The following ZC3H7B variants were observed in gnomAD, a reference collection of about 807,000 sequenced individuals.
ZC3H7B encodes zinc finger CCCH domain-containing protein 7B.
A neutral mutation model predicts 116.0 loss-of-function variants in ZC3H7B; 35 were observed. That is an observed-to-expected ratio of 0.30 (90% confidence interval 0.23 to 0.40). The LOEUF is 0.40. Among genes scored for constraint, ZC3H7B ranks in the 10% least tolerant of loss-of-function variants. ZC3H7B has a pLI of 1.00. For missense variants in ZC3H7B, 1,011 were observed against 1,321.5 expected (o/e 0.77, Z 3.64); for synonymous variants, 502 against 545.6 (o/e 0.92, Z 1.11).
At position 41,302,727 on chromosome 22, in the gene ZC3H7B, G is replaced by C. The variant is rs992774156; in HGVS notation, c.-7+955G>C. 3.3e-5 allele frequency among the ~76,000 whole-genome samples: 5 copies of C among 152,204 alleles called. No homozygotes were observed. The highest frequency in any genetic ancestry group is 1.2e-4 in the African/African-American group (5 of 41,444). On this transcript the variant is annotated intron_variant, in intron 1 of 22. Transcript: ENST00000352645. The surrounding 1 kb of genome is among the most constrained non-coding windows in gnomAD (Gnocchi z 5.7). ...TCACAGACAAAGCCGTCTTCCCAGG[G>C]GGGAAAATAATCATATAAAAACAGC... is the stretch of plus-strand genomic sequence containing the variant.
chr22:41,352,666 G>A (rs1468217076), intron 17 of ZC3H7B, among the ~76,000 whole-genome samples: 2 of 152,066 alleles, frequency 1.3e-5, no homozygotes, highest in East Asian at 1.9e-4. Context: ...GGAGGCTGAG[G>A]CAGGAGAATC....
intron 11 of ZC3H7B, among the ~76,000 whole-genome samples, 182 bp downstream of exon 11, chr22:41,341,328 C>T (rs1034631480): frequency 3.9e-5 from 6 of 152,150 alleles, no homozygotes; most frequent in Admixed American, 2.6e-4. Flanking sequence ...ATATGCTGGG[C>T]GGGCACACAG....
Position 41,355,951 on chromosome 22 carries a change from C to T in ZC3H7B, c.2275-3C>T. 1 of 1,593,042 alleles carries T rather than the reference C, an allele frequency of 6.3e-7. No homozygotes were observed. The highest frequency in any genetic ancestry group is 1.1e-5 in the South Asian group (1 of 87,502). On this transcript the variant is annotated splice_region_variant and splice_polypyrimidine_tract_variant and intron_variant, in intron 19 of 22. Coordinates refer to ENST00000352645, the MANE Select transcript of ZC3H7B (RefSeq NM_017590.6). Reference sequence around the variant, plus strand: ...AGAGGATCTCCCCACGCCCACCCCACAGCTCTGCATCCATGCACAGAACGG... The same window carrying T: ...AGAGGATCTCCCCACGCCCACCCCATAGCTCTGCATCCATGCACAGAACGG...
chr22:41,316,848 T>C (rs531657588), intron 1 of ZC3H7B, among the ~76,000 whole-genome samples: 1 of 151,886 alleles, frequency 6.6e-6, no homozygotes, highest in African/African-American at 2.4e-5. Context: ...CTAATTTTTT[T>C]TCTTTTCTTT....
chr22:41,325,454 C>T, intron 2 of ZC3H7B, 110 bp from the exon 3 acceptor site: 1 of 1,434,562 alleles, frequency 7.0e-7, no homozygotes, highest in Non-Finnish European at 9.6e-7. Context: ...GTCTGTTCAC[C>T]CTAGTCCACA....
intron 1 of ZC3H7B, among the ~76,000 whole-genome samples, chr22:41,306,995 A>G (rs2036051624): frequency 7.4e-6 from 1 of 134,920 alleles, no homozygotes; most frequent in Non-Finnish European, 1.6e-5. Context: ...TTTTTTTGAG[A>G]CAGAGTCTCA....
intron 1 of ZC3H7B, among the ~76,000 whole-genome samples, chr22:41,318,674 A>G (rs1019692195): frequency 4.6e-5 from 7 of 151,956 alleles, no homozygotes; most frequent in Non-Finnish European, 7.4e-5. Flanking sequence ...CCTTGAGCCC[A>G]GGAGTTTGAG....
chr22:41,339,570 G>T (rs2036491188), intron 9 of ZC3H7B, among the ~76,000 whole-genome samples: 1 of 146,918 alleles, frequency 6.8e-6, no homozygotes, highest in African/African-American at 2.5e-5. Context: ...AGGTTGCAGT[G>T]AGCCGAGATC....
In ZC3H7B at chr22:41,347,443, C is replaced by T. The variant is rs115219119; in HGVS notation, c.1666-624C>T. 3.2e-3 allele frequency among the ~76,000 whole-genome samples: 480 copies of T among 147,874 alleles called. 3 individuals are homozygous for T. Among genetic ancestry groups the T allele is most frequent in the African/African-American group, 0.012 (469 of 37,900 alleles). On this transcript the variant is annotated intron_variant, in intron 14 of 22. Transcript: ENST00000352645. The stretch of plus-strand genomic sequence containing the variant: ...GGAACCTCTCAGCTGGACTCTGATC[C>T]CAGCAGCCCCACTGAGCTGTTAATT...
Position 41,355,621 on chromosome 22 carries a change from G to T in ZC3H7B, c.2168+19G>T, listed in dbSNP as rs755345625. The T allele has an allele frequency of 6.2e-7, 1 of 1,613,722 alleles. No homozygotes were observed. The highest frequency in any genetic ancestry group is 1.3e-5 in the African/African-American group (1 of 74,908). ...GGCACTGGTGAGTGGGATGCCAGGTGGGGGCTCAGGTGGGATGGGGCCACC... is the reference window on the plus strand; with the variant it reads ...GGCACTGGTGAGTGGGATGCCAGGTTGGGGCTCAGGTGGGATGGGGCCACC... On this transcript the variant is annotated intron_variant, in intron 18 of 22. Coordinates refer to ENST00000352645, the MANE Select transcript of ZC3H7B (RefSeq NM_017590.6).
Position 41,338,982 on chromosome 22 carries a change from T to G in ZC3H7B, c.626-19T>G. 6.5e-7 allele frequency: 1 copy of G among 1,527,260 alleles called. No individual in the cohort carries two copies. Among genetic ancestry groups the G allele is most frequent in the Non-Finnish European group, 8.8e-7 (1 of 1,132,996 alleles). The allele number at this position is 1,527,260 out of a possible 1,614,324, so 94.6% of individuals were successfully genotyped here. On this transcript the variant is annotated intron_variant, in intron 8 of 22. Coordinates refer to ENST00000352645, the MANE Select transcript of ZC3H7B (RefSeq NM_017590.6). This position sits in a 1 kb window ranked among gnomAD's most constrained non-coding sequence, Gnocchi z 4.5. ...ACCAAGCAGTGCTCCCCTTCGGCTCTTGCCCACCCCATCCGCAGACTGCTA... is the reference window on the plus strand; with the variant it reads ...ACCAAGCAGTGCTCCCCTTCGGCTCGTGCCCACCCCATCCGCAGACTGCTA...
intron 6 of ZC3H7B, among the ~76,000 whole-genome samples, chr22:41,330,706 C>A (rs1213668076): frequency 6.6e-6 from 1 of 152,042 alleles, no homozygotes; most frequent in Non-Finnish European, 1.5e-5. Context: ...CGTTGGGAGG[C>A]CAAGGCGGGC....
At chr22:41,310,421 C>T (rs1287927723) in intron 1 of ZC3H7B, among the ~76,000 whole-genome samples, 1 of 152,136 alleles carries the variant, frequency 6.6e-6, no homozygotes, top group African/African-American at 2.4e-5. Flanking sequence ...CAGTGTGGGA[C>T]AGTGCTGGGA....
chr22:41,322,254 C>A (rs947691977), intron 2 of ZC3H7B, among the ~76,000 whole-genome samples: 2 of 151,976 alleles, frequency 1.3e-5, no homozygotes, highest in African/African-American at 4.8e-5. Flanking sequence ...GTGGTGCGAT[C>A]TCGGCTCACT....
intron 2 of ZC3H7B, among the ~76,000 whole-genome samples, chr22:41,321,949 C>T (rs1236585151): frequency 7.0e-6 from 1 of 142,128 alleles, no homozygotes; most frequent in Non-Finnish European, 1.5e-5. Context: ...ACGCCATTCT[C>T]CTGCCTCAGC....
chr22:41,338,336 C>T lies in ZC3H7B; in HGVS notation c.606C>T (p.Ser202=), dbSNP rs1187191806. ...AGGGAACTTCTAATGGATTGGGGTC[C>T]ATAGATGACATCGAAACAGGTAATG... is the stretch of plus-strand genomic sequence containing the variant. ...ADQGTSNGLG[S]IDDIETDCYV... Residue 202 remains serine (S), a synonymous_variant, in exon 8 of 23, where the codon TCC becomes TCT. Coordinates refer to ENST00000352645, the MANE Select transcript of ZC3H7B (RefSeq NM_017590.6). This position sits in a 1 kb window ranked among gnomAD's most constrained non-coding sequence, Gnocchi z 4.5. The T allele has an allele frequency of 6.2e-7, 1 of 1,613,742 alleles. No individual in the cohort carries two copies. Among genetic ancestry groups the T allele is most frequent in the Non-Finnish European group, 8.5e-7 (1 of 1,179,912 alleles).
At chr22:41,323,938 C>T (rs1418439271) in intron 2 of ZC3H7B, among the ~76,000 whole-genome samples, 2 of 152,002 alleles carry the variant, frequency 1.3e-5, no homozygotes, top group South Asian at 2.1e-4. Flanking sequence ...GGCGTGGTGG[C>T]GGGCGCTTGT....
chr22:41,339,487 A>G (rs757434426), intron 9 of ZC3H7B, among the ~76,000 whole-genome samples: 9 of 152,010 alleles, frequency 5.9e-5, no homozygotes, highest in Non-Finnish European at 1.0e-4. Context: ...TTAGCCGGGC[A>G]TGGTGGCACA....
intron 2 of ZC3H7B, among the ~76,000 whole-genome samples, chr22:41,321,418 G>T (rs1569233381): frequency 6.6e-6 from 1 of 152,058 alleles, no homozygotes; most frequent in East Asian, 1.9e-4. Flanking sequence ...GTTTTGCCAT[G>T]TTGGCCAGGC....
Sources: gnomAD v4.1 joint callset for allele counts (sites outside exome capture counted in the v4.1 genomes callset) on GRCh38, gnomAD v4.1.1 for gene constraint, Gnocchi (gnomAD v3.1) non-coding constraint, MANE v1.5 for transcripts, NCBI Gene and HGNC (gene_info 2026-07-23, HGNC 2026-07-21) for gene names.